The following ARHGAP8 variants were observed in gnomAD, a reference collection of about 807,000 sequenced individuals.
The protein encoded by ARHGAP8 is rho GTPase-activating protein 8.
ARHGAP8 carries 62 observed loss-of-function variants against 46.1 expected under a neutral mutation model. That is an observed-to-expected ratio of 1.34 (90% CI 1.10 to 1.66). The LOEUF (loss-of-function observed/expected upper bound fraction) is 1.66. Ranked by LOEUF, ARHGAP8 falls within the 40% of genes most tolerant of loss-of-function variation. ARHGAP8 has a pLI of 0.00. For synonymous variants in ARHGAP8, 375 were observed against 243.1 expected, an observed-to-expected ratio of 1.54 and a Z score of -5.05; for missense variants, 923 against 568.4, an observed-to-expected ratio of 1.62 and a Z score of -6.34.
intron 1 of ARHGAP8, among the ~76,000 whole-genome samples, chr22:44,778,282 G>C (rs1383951486): frequency 1.3e-5 from 2 of 151,972 alleles, no homozygotes; most frequent in Non-Finnish European, 2.9e-5. Context: ...ACAATGTTTG[G>C]TTTTCCATTT....
intron 7 of ARHGAP8, among the ~76,000 whole-genome samples, chr22:44,832,695 T>G (rs1443622780): frequency 6.6e-6 from 1 of 152,240 alleles, no homozygotes; most frequent in Non-Finnish European, 1.5e-5. Context: ...TCATGTCATC[T>G]GCAAATAGAG....
Position 44,861,126 on chromosome 22 carries a change from C to T in ARHGAP8, c.982-1149C>T, listed in dbSNP as rs145680796. Reference sequence around the variant, plus strand: ...AGCTGGGATTACAGGTGAGAACCACCATGCCCGGCTAATTTTTGTTTTTTT... The same window carrying T: ...AGCTGGGATTACAGGTGAGAACCACTATGCCCGGCTAATTTTTGTTTTTTT... On this transcript the variant is annotated intron_variant, in intron 11 of 11. Transcript: ENST00000356099. Among the ~76,000 whole-genome samples the T allele has an allele frequency of 9.1e-4, 138 of 152,274 alleles. 1 individual carries two copies. The highest frequency in any genetic ancestry group is 2.9e-3 in the East Asian group (15 of 5,176).
chr22:44,821,186 CTT>C (rs1248806911), intron 5 of ARHGAP8, among the ~76,000 whole-genome samples: 1 of 152,106 alleles, frequency 6.6e-6, no homozygotes, highest in African/African-American at 2.4e-5. Flanking sequence ...AATCCCAGCA[CTT>C]TGGGAGGCCA....
rs5766038 is a variant in ARHGAP8, at chr22:44,801,297, T to A, written c.80-780T>A. Among the ~76,000 whole-genome samples the A allele has an allele frequency of 8.1e-3, 318 of 39,268 alleles. 3 individuals are homozygous for A. Among genetic ancestry groups the A allele is most frequent in the South Asian group, 0.012 (9 of 772 alleles). 25.8% of individuals were successfully genotyped at this position (39,268 alleles called of 152,430 possible). The stretch of plus-strand genomic sequence containing the variant: ...GGGGCGCCTCTCCCCGCAGCTGTCT[T>A]TGTGTGGGGGCACCTCTCCCCGCAG... On this transcript the variant is annotated intron_variant, in intron 2 of 11. Coordinates refer to ENST00000356099, the MANE Select transcript of ARHGAP8 (RefSeq NM_181335.3).
chr22:44,825,854 C>T (rs1477563696), intron 7 of ARHGAP8, among the ~76,000 whole-genome samples: 1 of 113,038 alleles, frequency 8.8e-6, no homozygotes, highest in East Asian at 2.5e-4. Context: ...GGCGCGTGCT[C>T]GCTGCTCGGT....
intron 7 of ARHGAP8, among the ~76,000 whole-genome samples, chr22:44,826,806 G>T (rs1164456755): frequency 6.6e-6 from 1 of 152,154 alleles, no homozygotes; most frequent in East Asian, 1.9e-4. Flanking sequence ...AGGGGAGGAG[G>T]TGCATCGGTC....
intron 1 of ARHGAP8, among the ~76,000 whole-genome samples, chr22:44,782,911 G>T (rs554159656): frequency 1.3e-5 from 2 of 152,146 alleles, no homozygotes; most frequent in Non-Finnish European, 2.9e-5. Context: ...TCCACGGCAC[G>T]CTTTAGCACT....
At chr22:44,796,639 A>G (rs1033852572) in intron 2 of ARHGAP8, among the ~76,000 whole-genome samples, 23 of 152,174 alleles carry the variant, frequency 1.5e-4, no homozygotes, top group African/African-American at 5.3e-4. Flanking sequence ...TGGTGATGCT[A>G]TGATGATGGG....
chr22:44,798,257 T>C (rs559642418), intron 2 of ARHGAP8, among the ~76,000 whole-genome samples: 1 of 152,136 alleles, frequency 6.6e-6, no homozygotes, highest in African/African-American at 2.4e-5. Flanking sequence ...ATTACATGAG[T>C]GAGCCACTGC....
chr22:44,829,339 A>G (rs1308796586), intron 7 of ARHGAP8, among the ~76,000 whole-genome samples: 1 of 152,050 alleles, frequency 6.6e-6, no homozygotes, highest in African/African-American at 2.4e-5. Context: ...TAGCTCACAG[A>G]CTTCGAAAGC....
chr22:44,836,764 G>C (rs997716678), intron 7 of ARHGAP8, among the ~76,000 whole-genome samples: 1 of 151,978 alleles, frequency 6.6e-6, no homozygotes, highest in Non-Finnish European at 1.5e-5. Context: ...AGAGGGTTGG[G>C]AAAAGCCTGG....
At chr22:44,860,346 C>A (rs1056940953) in intron 11 of ARHGAP8, among the ~76,000 whole-genome samples, 1 of 152,128 alleles carries the variant, frequency 6.6e-6, no homozygotes, top group Non-Finnish European at 1.5e-5. Flanking sequence ...TGTGCTCCTT[C>A]CAGAGGCTCT....
chr22:44,787,934 TTTTTTTC>T (rs1229594471), intron 2 of ARHGAP8, among the ~76,000 whole-genome samples: 4 of 136,492 alleles, frequency 2.9e-5, no homozygotes, highest in African/African-American at 8.5e-5. Context: ...TTTTTTTTTT[TTTTTTTC>T]CCCCCAAATG....
At chr22:44,777,126 A>C (rs1372003331) in intron 1 of ARHGAP8, 1 of 151,936 alleles carries the variant, frequency 6.6e-6, no homozygotes, top group Non-Finnish European at 1.5e-5. Context: ...AGTCTGAATC[A>C]TTCCACTCCC....
chr22:44,789,019 A>C (rs963086853), intron 2 of ARHGAP8, among the ~76,000 whole-genome samples: 20 of 152,336 alleles, frequency 1.3e-4, no homozygotes, highest in Admixed American at 9.8e-4. Context: ...ATCCTTATGC[A>C]TATTCTGTCT....
At chr22:44,776,249 G>A (rs1926407887) in intron 1 of ARHGAP8, among the ~76,000 whole-genome samples, 1 of 152,134 alleles carries the variant, frequency 6.6e-6, no homozygotes, top group Non-Finnish European at 1.5e-5. Context: ...TCAGGAGTTT[G>A]AGACCTACCT....
chr22:44,855,868 G>T (rs2070208039), intron 10 of ARHGAP8, among the ~76,000 whole-genome samples: 1 of 152,200 alleles, frequency 6.6e-6, no homozygotes, highest in Non-Finnish European at 1.5e-5. Context: ...TTATAAAGAA[G>T]TTTAATTGGC....
Position 44,835,954 on chromosome 22 carries a change from G to A in ARHGAP8, c.597-9315G>A, listed in dbSNP as rs371784974. Among the ~76,000 whole-genome samples, 39 of 152,028 alleles carry A rather than the reference G, an allele frequency of 2.6e-4. 1 individual carries two copies. Among genetic ancestry groups the A allele is most frequent in the African/African-American group, 8.0e-4 (33 of 41,356 alleles). On this transcript the variant is annotated intron_variant, in intron 7 of 11. Transcript: ENST00000356099. ...CTATACAATCCTTCTCTTTGCGATC[G>A]GCCTCCAGGGTGGGACACTGGCCTC...
At chr22:44,814,497 G>A (rs1009599556) in intron 4 of ARHGAP8, among the ~76,000 whole-genome samples, 175 bp from the exon 5 acceptor site, 1 of 152,028 alleles carries the variant, frequency 6.6e-6, no homozygotes, top group African/African-American at 2.4e-5. Context: ...AGCAGGTGAG[G>A]GGTCCTGATT....
Sources: allele counts gnomAD v4.1 joint callset (sites outside exome capture counted in the v4.1 genomes callset), GRCh38; gene constraint gnomAD v4.1.1; transcripts MANE v1.5; gene names NCBI Gene and HGNC (gene_info 2026-07-23, HGNC 2026-07-21).